TMEM74: variants seen among roughly 807,000 people sequenced by gnomAD.
TMEM74 encodes the protein transmembrane protein 74.
In TMEM74, 13 loss-of-function variants were observed where a neutral mutation model predicts 18.1. The observed-to-expected ratio is 0.72, with a 90% CI of 0.47 to 1.14. The LOEUF is 1.14. Among genes scored for constraint, TMEM74 ranks in the 50% most tolerant of loss-of-function variants. The pLI is 0.00. For synonymous variants in TMEM74, 159 were observed against 146.6 expected, an observed-to-expected ratio of 1.08 and a Z score of -0.61; for missense variants, 372 against 375.9, an observed-to-expected ratio of 0.99 and a Z score of 0.09.
At chr8:108,726,301 A>G (rs1813637997) in intron 1 of TMEM74, among the ~76,000 whole-genome samples, 1 of 152,186 alleles carries the variant, frequency 6.6e-6, no homozygotes, top group African/African-American at 2.4e-5. Flanking sequence ...ATCTACTGCA[A>G]AATTCTGCCT....
chr8:108,707,108 T>A (rs1400319184), intron 1 of TMEM74, among the ~76,000 whole-genome samples: 1 of 145,282 alleles, frequency 6.9e-6, no homozygotes, highest in African/African-American at 2.6e-5. Flanking sequence ...CACCGCATGT[T>A]CTCACTCATA....
chr8:108,682,519 C>A (rs1374091630), intron 1 of TMEM74, among the ~76,000 whole-genome samples: 1 of 151,860 alleles, frequency 6.6e-6, no homozygotes, highest in Non-Finnish European at 1.5e-5. Flanking sequence ...TGGTAGCAAC[C>A]ATGTTTATTT....
At chr8:108,776,700 C>A, downstream of TMEM74, among the ~76,000 whole-genome samples, 1 of 150,516 alleles carries the variant, frequency 6.6e-6, no homozygotes, top group Non-Finnish European at 1.5e-5. Flanking sequence ...ATGGTGGAAG[C>A]AAGAGACATA....
At chr8:108,731,312 C>T (rs1489696191) in intron 1 of TMEM74, among the ~76,000 whole-genome samples, 1 of 151,754 alleles carries the variant, frequency 6.6e-6, no homozygotes, top group Non-Finnish European at 1.5e-5. Flanking sequence ...TTAGAAATTT[C>T]TGGGAAAATG....
At chr8:108,730,021 C>A (rs1234684964) in intron 1 of TMEM74, among the ~76,000 whole-genome samples, 2 of 152,194 alleles carry the variant, frequency 1.3e-5, no homozygotes, top group South Asian at 4.1e-4. Context: ...AGAGTCCCAG[C>A]GGTCTTTCAA....
chr8:108,689,010 C>CAGCA (rs1813198785), intron 1 of TMEM74, among the ~76,000 whole-genome samples: 1 of 152,176 alleles, frequency 6.6e-6, no homozygotes, highest in African/African-American at 2.4e-5. Context: ...TGATGGTGAA[C>CAGCA]AGCATTAAGC....
intron 2 of TMEM74, among the ~76,000 whole-genome samples, chr8:108,628,771 T>C (rs1038996359): frequency 1.3e-5 from 2 of 152,070 alleles, no homozygotes; most frequent in African/African-American, 4.8e-5. Flanking sequence ...CATTTTTAGT[T>C]CTCCACATCC....
intron 1 of TMEM74, among the ~76,000 whole-genome samples, chr8:108,702,536 C>T (rs1303900648): frequency 3.3e-5 from 5 of 151,826 alleles, no homozygotes; most frequent in African/African-American, 7.3e-5. Flanking sequence ...AAAATTAATT[C>T]GAAATGGATC....
chr8:108,729,038 C>T (rs1813668780), intron 1 of TMEM74, among the ~76,000 whole-genome samples: 1 of 152,178 alleles, frequency 6.6e-6, no homozygotes, highest in Non-Finnish European at 1.5e-5. Context: ...TTAGCAACTG[C>T]AAATGAGACT....
intron 1 of TMEM74, among the ~76,000 whole-genome samples, chr8:108,697,195 G>A (rs1466636176): frequency 1.3e-5 from 2 of 152,114 alleles, no homozygotes; most frequent in Non-Finnish European, 2.9e-5. Flanking sequence ...AACTGCAATG[G>A]TCAGTGGATG....
At chr8:108,713,904 G>A (rs1813498044) in intron 1 of TMEM74, among the ~76,000 whole-genome samples, 1 of 152,202 alleles carries the variant, frequency 6.6e-6, no homozygotes, top group Non-Finnish European at 1.5e-5. Context: ...GAGAACCCAG[G>A]GGGCCACTGG....
rs971771523 is a variant in TMEM74, at chr8:108,780,178, T to C, written c.*4003A>G. 6.6e-6 allele frequency among the ~76,000 whole-genome samples: 1 copy of C among 152,182 alleles called. No individual in the cohort carries two copies. The highest frequency in any genetic ancestry group is 1.5e-5 in the Non-Finnish European group (1 of 68,026). On this transcript the variant is annotated 3_prime_UTR_variant, in exon 2 of 2. Transcript: ENST00000297459. The stretch of plus-strand genomic sequence containing the variant: ...GTAATAGGTGAACCACTGGCAAAGG[T>C]TGTGAATCTTTTTTGTCAGACCACG...
chr8:108,609,414 A>G (rs1313824381), intron 2 of TMEM74, among the ~76,000 whole-genome samples: 5 of 152,202 alleles, frequency 3.3e-5, no homozygotes, highest in Non-Finnish European at 7.3e-5. Context: ...TTGGAGGCCC[A>G]GGAAGGGTGG....
chr8:108,778,669 T>G (rs1281794287), downstream of TMEM74, among the ~76,000 whole-genome samples: 1 of 152,156 alleles, frequency 6.6e-6, no homozygotes, highest in African/African-American at 2.4e-5. Flanking sequence ...AAGGATAAAA[T>G]TCCAGTTAAT....
intron 1 of TMEM74, among the ~76,000 whole-genome samples, chr8:108,751,164 T>G (rs1813900884): frequency 6.6e-6 from 1 of 152,118 alleles, no homozygotes; most frequent in Non-Finnish European, 1.5e-5. Flanking sequence ...GTATATGAAC[T>G]CTAACAGAAT....
intron 1 of TMEM74, among the ~76,000 whole-genome samples, chr8:108,759,405 T>C (rs1814014586): frequency 6.6e-6 from 1 of 152,138 alleles, no homozygotes; most frequent in Admixed American, 6.6e-5. Flanking sequence ...ATTTATTCTA[T>C]GAATATATTT....
At chr8:108,706,234 C>G (rs892918030) in intron 1 of TMEM74, among the ~76,000 whole-genome samples, 1 of 152,148 alleles carries the variant, frequency 6.6e-6, no homozygotes, top group Non-Finnish European at 1.5e-5. Flanking sequence ...CTAATAACTA[C>G]GTTTTAGGTT....
rs1039166 is a variant in TMEM74, at chr8:108,634,116, A to T, written n.264+21177T>A. Among the ~76,000 whole-genome samples the T allele has an allele frequency of 2.4e-3, 366 of 152,074 alleles. 1 individual carries two copies. The highest frequency in any genetic ancestry group is 8.5e-3 in the African/African-American group (354 of 41,536). The stretch of plus-strand genomic sequence containing the variant: ...TGGGCATCAAGAGAAGAGGAAGAGC[A>T]TGGGCACAGAACACAAAGCAGTCAC... On this transcript the variant is annotated intron_variant and non_coding_transcript_variant, in intron 2 of 3. Coordinates refer to the TMEM74 transcript ENST00000518838.
intron 1 of TMEM74, among the ~76,000 whole-genome samples, chr8:108,658,090 C>T (rs1317345393): frequency 6.6e-6 from 1 of 151,286 alleles, no homozygotes; most frequent in Non-Finnish European, 1.5e-5. Flanking sequence ...CAGCTTGTGA[C>T]TCATTCCTGG....
Sources: allele counts gnomAD v4.1 joint callset (sites outside exome capture counted in the v4.1 genomes callset), GRCh38; gene constraint gnomAD v4.1.1; transcripts MANE v1.5; gene names NCBI Gene and HGNC (gene_info 2026-07-23, HGNC 2026-07-21).